The following SLC5A12 variants were observed in gnomAD, a reference collection of about 807,000 sequenced individuals.
SLC5A12 encodes the protein solute carrier family 5 member 12.
Under a neutral mutation model 72.7 loss-of-function variants are expected in SLC5A12, and 46 were observed. That is an observed-to-expected ratio of 0.63 (90% CI 0.50 to 0.81). SLC5A12 has a LOEUF of 0.81. Among genes scored for constraint, SLC5A12 ranks in the 30% least tolerant of loss-of-function variants. SLC5A12 has a pLI of 0.00. For missense variants in SLC5A12, 683 were observed against 740.7 expected (o/e 0.92, Z 0.90); for synonymous variants, 275 against 264.4 (o/e 1.04, Z -0.39).
chr11:26,709,506 G>A, intron 3 of SLC5A12, 127 bp from the exon 4 acceptor site: 2 of 657,152 alleles, frequency 3.0e-6, no homozygotes, highest in Non-Finnish European at 2.5e-6. Flanking sequence ...TCAAATTAGA[G>A]TTTTCCCTCA....
intron 10 of SLC5A12, among the ~76,000 whole-genome samples, chr11:26,686,130 T>C (rs1854527118): frequency 6.6e-6 from 1 of 152,216 alleles, no homozygotes; most frequent in Non-Finnish European, 1.5e-5. Flanking sequence ...TTATTGGTTT[T>C]ACTATTTTTA....
chr11:26,700,033 C>T (rs867331088), intron 6 of SLC5A12, among the ~76,000 whole-genome samples: 11 of 152,114 alleles, frequency 7.2e-5, no homozygotes, highest in African/African-American at 2.4e-4. Flanking sequence ...TTATCCTTAA[C>T]AACTGTGTGA....
rs1025340787 is a variant in SLC5A12, at chr11:26,669,001, C to T, written c.*2101G>A. On this transcript the variant is annotated 3_prime_UTR_variant, in exon 15 of 15. Coordinates refer to ENST00000396005, the MANE Select transcript of SLC5A12 (RefSeq NM_178498.4). ...ATGGTATATTTTGCTTTTATGCTATCCCAAGTGGAAGTTCACAATCCTGAT... is the reference window on the plus strand; with the variant it reads ...ATGGTATATTTTGCTTTTATGCTATTCCAAGTGGAAGTTCACAATCCTGAT... 20 of 151,688 alleles carry T rather than the reference C, an allele frequency of 1.3e-4. No homozygotes were observed. The highest frequency in any genetic ancestry group is 2.2e-4 in the Non-Finnish European group (15 of 67,912). 9.4% of individuals were successfully genotyped at this position (151,688 alleles called of 1,614,324 possible).
intron 9 of SLC5A12, among the ~76,000 whole-genome samples, chr11:26,689,322 C>A (rs765645617): frequency 6.6e-6 from 1 of 151,986 alleles, no homozygotes; most frequent in South Asian, 2.1e-4. Flanking sequence ...CCCTTGAACC[C>A]GGGAGGCGGA....
chr11:26,700,881 C>T (rs992619206), intron 6 of SLC5A12, among the ~76,000 whole-genome samples: 2 of 152,220 alleles, frequency 1.3e-5, no homozygotes, highest in East Asian at 3.8e-4. Flanking sequence ...TGATTCTAAC[C>T]CATGCCCACT....
intron 3 of SLC5A12, 148 bp downstream of exon 3, chr11:26,711,159 G>A: frequency 1.6e-6 from 1 of 640,452 alleles, no homozygotes; most frequent in Non-Finnish European, 2.7e-6. Flanking sequence ...TCAATATTTA[G>A]AGCTTTATGT....
intron 6 of SLC5A12, among the ~76,000 whole-genome samples, chr11:26,701,564 C>T (rs988467462): frequency 6.6e-6 from 1 of 152,102 alleles, no homozygotes; most frequent in African/African-American, 2.4e-5. Flanking sequence ...AACTACTTTA[C>T]TAAATCAGGT....
At chr11:26,720,353 GTAAA>G (rs932574754) in intron 1 of SLC5A12, among the ~76,000 whole-genome samples, 5 of 58,468 alleles carry the variant, frequency 8.6e-5, no homozygotes, top group Admixed American at 1.7e-4. Flanking sequence ...AAATAAATAA[GTAAA>G]TAAATACATG....
intron 9 of SLC5A12, among the ~76,000 whole-genome samples, chr11:26,686,756 A>G (rs547632049): frequency 6.6e-6 from 1 of 152,294 alleles, no homozygotes. Flanking sequence ...CTGCTTCCTC[A>G]TCAGGCGGAA....
chr11:26,706,023 A>G (rs1590733754), intron 4 of SLC5A12, among the ~76,000 whole-genome samples: 1 of 151,820 alleles, frequency 6.6e-6, no homozygotes, highest in Non-Finnish European at 1.5e-5. Flanking sequence ...TCACCCACAT[A>G]TTTAATCAAA....
chr11:26,672,083 A>C (rs1339810921), intron 14 of SLC5A12, among the ~76,000 whole-genome samples: 1 of 152,122 alleles, frequency 6.6e-6, no homozygotes, highest in African/African-American at 2.4e-5. Flanking sequence ...CCCAGTTCCA[A>C]TAAGAACCCT....
At chr11:26,694,670 A>G (rs10767571) in intron 8 of SLC5A12, among the ~76,000 whole-genome samples, 61,057 of 152,042 alleles carry the variant, frequency 0.4, 14,922 homozygotes, top group Middle Eastern at 0.56. Context: ...ATTCAAGGAT[A>G]TTGCTATTTT....
rs565650203 is a variant in SLC5A12, at chr11:26,680,371, T to A, written c.1475+684A>T. Among the ~76,000 whole-genome samples, 176 of 125,744 alleles carry A rather than the reference T, an allele frequency of 1.4e-3. 6 individuals are homozygous for A. The highest frequency in any genetic ancestry group is 0.012 in the South Asian group (47 of 3,826). 82.5% of individuals were successfully genotyped at this position (125,744 alleles called of 152,430 possible). A position where few individuals can be genotyped will look rare whatever the true frequency, so the allele number is the denominator to read the frequency against. On this transcript the variant is annotated intron_variant, in intron 12 of 14. Transcript: ENST00000396005. The stretch of plus-strand genomic sequence containing the variant: ...TATTCATATATATATGTATATATAT[T>A]CATATATATATGTATATATATTCAT...
chr11:26,692,941 G>C (rs1345672858), intron 8 of SLC5A12, among the ~76,000 whole-genome samples: 2 of 152,156 alleles, frequency 1.3e-5, no homozygotes, highest in East Asian at 3.9e-4. Context: ...GTTCAGGTTG[G>C]AGTGGAGGCA....
intron 9 of SLC5A12, chr11:26,692,193 C>T (rs910107749): frequency 8.5e-5 from 19 of 222,372 alleles, no homozygotes; most frequent in African/African-American, 4.3e-4. Flanking sequence ...GCATTCAAAG[C>T]CATCCTGGGC....
chr11:26,673,381 G>A, intron 14 of SLC5A12, 21 bp downstream of exon 14: 2 of 1,522,520 alleles, frequency 1.3e-6, no homozygotes, highest in Non-Finnish European at 1.8e-6. Flanking sequence ...CACATTTTTA[G>A]AAGCTCAAAC....
chr11:26,671,103 T>C lies in SLC5A12; in HGVS notation c.1856A>G (p.Ter619=), dbSNP rs1477835749. Reference sequence around the variant, plus strand: ...GTGTGCATTCATACAGGTATTGCCTTAGAAATGGGTAGTCTCAAATGCCAT... The same window carrying C: ...GTGTGCATTCATACAGGTATTGCCTCAGAAATGGGTAGTCTCAAATGCCAT... The part of the protein sequence containing the change: ...NNMAFETTHF[*] Residue 619 remains the stop codon, a stop_retained_variant, in exon 15 of 15, where the codon TAA becomes TGA. Coordinates refer to ENST00000396005, the MANE Select transcript of SLC5A12 (RefSeq NM_178498.4). 6.2e-7 allele frequency: 1 copy of C among 1,609,940 alleles called. No individual in the cohort carries two copies. The highest frequency in any genetic ancestry group is 1.3e-5 in the African/African-American group (1 of 74,672).
At chr11:26,686,251 A>T (rs1334896014) in intron 10 of SLC5A12, among the ~76,000 whole-genome samples, 1 of 152,108 alleles carries the variant, frequency 6.6e-6, no homozygotes, top group African/African-American at 2.4e-5. Context: ...TCTGAAAGTG[A>T]TTTAATAGTT....
chr11:26,679,169 T>A (rs1279260968), intron 12 of SLC5A12, among the ~76,000 whole-genome samples: 1 of 152,046 alleles, frequency 6.6e-6, no homozygotes, highest in African/African-American at 2.4e-5. Flanking sequence ...GATGAGAAAG[T>A]CACAAAGTCT....
Sources: gnomAD v4.1 joint callset for allele counts (sites outside exome capture counted in the v4.1 genomes callset) on GRCh38, gnomAD v4.1.1 for gene constraint, MANE v1.5 for transcripts, NCBI Gene and HGNC (gene_info 2026-07-23, HGNC 2026-07-21) for gene names.